Variants in DDX60L observed in about 807,000 individuals in gnomAD.
DDX60L encodes the protein DExD/H-box 60 like, also known as probable ATP-dependent RNA helicase DDX60-like.
A neutral mutation model predicts 211.6 loss-of-function variants in DDX60L; 191 were observed. The ratio of observed to expected loss-of-function variants is 0.90; its 90% confidence interval spans 0.80 to 1.02. The LOEUF (loss-of-function observed/expected upper bound fraction) is 1.02. DDX60L is among the 50% of genes least tolerant of loss of function. DDX60L has a pLI of 0.00. For missense variants in DDX60L, 2,007 were observed against 1,984.1 expected, an observed-to-expected ratio of 1.01 and a Z score of -0.22; for synonymous variants, 706 against 694.1, an observed-to-expected ratio of 1.02 and a Z score of -0.27.
chr4:168,479,376 T>C (rs751851394), intron 1 of DDX60L, among the ~76,000 whole-genome samples: 30 of 152,190 alleles, frequency 2.0e-4, no homozygotes, highest in Non-Finnish European at 3.7e-4. Flanking sequence ...TGTTACTGTT[T>C]TCAGGAGAAC....
chr4:168,423,000 T>TGTGTGTGTGTGTGTGGGTGTGTG (rs375472116), intron 15 of DDX60L, among the ~76,000 whole-genome samples: 1 of 108,212 alleles, frequency 9.2e-6, no homozygotes, highest in African/African-American at 5.5e-5. Context: ...TGTGTGTGTG[T>TGTGTGTGTGTGTGTGGGTGTGTG]TGTAGAGACA....
At chr4:168,406,453 G>A in intron 23 of DDX60L, 149 bp downstream of exon 23, 1 of 620,932 alleles carries the variant, frequency 1.6e-6, no homozygotes, top group Non-Finnish European at 2.8e-6. Context: ...AAGAATGGCT[G>A]AAAATAAGAA....
chr4:168,365,856 C>A (rs1739892728), intron 36 of DDX60L, among the ~76,000 whole-genome samples: 1 of 152,000 alleles, frequency 6.6e-6, no homozygotes, highest in Non-Finnish European at 1.5e-5. Flanking sequence ...CCAGGGAATG[C>A]AAGGATAGTG....
chr4:168,455,999 T>C, intron 7 of DDX60L, 40 bp downstream of exon 7: 2 of 1,396,834 alleles, frequency 1.4e-6, no homozygotes, highest in Non-Finnish European at 2.0e-6. Context: ...ACCTGATGAA[T>C]GACAGCTTTC....
intron 28 of DDX60L, among the ~76,000 whole-genome samples, chr4:168,392,438 C>T (rs927622854): frequency 5.9e-5 from 9 of 152,014 alleles, no homozygotes; most frequent in Non-Finnish European, 1.2e-4. Flanking sequence ...ATTTATAAAC[C>T]CATCCAAATT....
intron 4 of DDX60L, among the ~76,000 whole-genome samples, chr4:168,466,657 CTG>C (rs1277814231): frequency 6.6e-6 from 1 of 152,152 alleles, no homozygotes; most frequent in Non-Finnish European, 1.5e-5. Flanking sequence ...CAGTCCCCTC[CTG>C]TTATGGCATC....
intron 35 of DDX60L, among the ~76,000 whole-genome samples, chr4:168,373,332 T>C (rs1741358583): frequency 1.3e-5 from 2 of 151,954 alleles, no homozygotes; most frequent in African/African-American, 4.8e-5. Context: ...TGGTCTGGAG[T>C]AGAAAAGCAC....
chr4:168,368,612 T>C (rs1012973235), intron 36 of DDX60L, among the ~76,000 whole-genome samples: 8 of 152,176 alleles, frequency 5.3e-5, no homozygotes, highest in African/African-American at 1.4e-4. Flanking sequence ...CCCAGAATGG[T>C]AGACCCACTG....
At position 168,375,483 on chromosome 4, in the gene DDX60L, T is replaced by G. The variant is rs781139674; in HGVS notation, c.4527A>C (p.Leu1509Phe). 3 of 1,612,798 alleles carry G rather than the reference T, an allele frequency of 1.9e-6. No homozygotes were observed. Among genetic ancestry groups the G allele is most frequent in the African/African-American group, 1.3e-5 (1 of 75,012 alleles). The change falls in exon 34 of 38, where the codon TTA becomes TTC. Residue 1509 changes from leucine (L) to phenylalanine (F), a missense_variant. By Grantham distance (22) the Leu-to-Phe change is conservative. Transcript: ENST00000682922. ...TCATTACTGCCAGGTTATACTCATA[T>G]AAAGCAGCTTTAAAATCCTCCGGGA... Reference protein sequence around the residue: ...AELPEDFKAALYEYNLAVMKD... With the variant: ...AELPEDFKAAFYEYNLAVMKD...
intron 19 of DDX60L, among the ~76,000 whole-genome samples, chr4:168,418,536 G>A (rs182217461): frequency 6.6e-6 from 1 of 152,310 alleles, no homozygotes; most frequent in East Asian, 1.9e-4. Flanking sequence ...AAAGGAAACA[G>A]ACTACTTTCA....
intron 26 of DDX60L, among the ~76,000 whole-genome samples, chr4:168,399,202 C>T (rs1055576268): frequency 6.6e-6 from 1 of 152,224 alleles, no homozygotes; most frequent in Non-Finnish European, 1.5e-5. Context: ...GGCTGAAACA[C>T]ACCCCTTGCT....
intron 10 of DDX60L, among the ~76,000 whole-genome samples, chr4:168,440,442 A>G (rs1436914042): frequency 6.6e-6 from 1 of 152,164 alleles, no homozygotes; most frequent in African/African-American, 2.4e-5. Context: ...TTACCCTTCA[A>G]TCACTTCTCA....
In DDX60L at chr4:168,461,699, C is replaced by A; in HGVS notation, c.606G>T (p.Glu202Asp). The A allele has an allele frequency of 3.3e-6, 5 of 1,515,236 alleles. No individual in the cohort carries two copies. The highest frequency in any genetic ancestry group is 4.6e-5 in the East Asian group (2 of 43,378). The allele number at this position is 1,515,236 out of a possible 1,614,324, so 93.9% of individuals were successfully genotyped here. A position where few individuals can be genotyped will look rare whatever the true frequency, so the allele number is the denominator to read the frequency against. Residue 202 changes from glutamate (E) to aspartate (D), a missense_variant and splice_region_variant, in exon 5 of 38, where the codon GAG becomes GAT. Coordinates refer to ENST00000682922, the MANE Select transcript of DDX60L (RefSeq NM_001012967.3). Reference sequence around the variant, plus strand: ...AAAATGAGTTATTAATGTCAATTACCTCCTTGGAAAAAGTTTGGTTTCTGT... The same window carrying A: ...AAAATGAGTTATTAATGTCAATTACATCCTTGGAAAAAGTTTGGTTTCTGT... ...STDRNQTFSK[E>D]NETVIQSAYK...
At chr4:168,416,179 C>T (rs993807320) in intron 20 of DDX60L, among the ~76,000 whole-genome samples, 3 of 152,124 alleles carry the variant, frequency 2.0e-5, no homozygotes, top group African/African-American at 7.2e-5. Context: ...TCATATAATG[C>T]TTTGTTGTTC....
intron 8 of DDX60L, among the ~76,000 whole-genome samples, chr4:168,449,652 C>CAAAAAAAAAAAAAAAAAAAAAA: frequency 2.1e-3 from 17 of 7,918 alleles, no homozygotes; most frequent in Non-Finnish European, 2.7e-3. Context: ...AAAAAAAATG[C>CAAAAAAAAAAAAAAAAAAAAAA]AAAAAAAAAA....
At chr4:168,397,803 G>A (rs540197192) in intron 26 of DDX60L, among the ~76,000 whole-genome samples, 2 of 152,336 alleles carry the variant, frequency 1.3e-5, no homozygotes, top group East Asian at 3.9e-4. Flanking sequence ...GCTCCATGGA[G>A]CCAGCAGAAG....
chr4:168,438,466 G>A (rs12509886), intron 10 of DDX60L, among the ~76,000 whole-genome samples: 45,086 of 151,950 alleles, frequency 0.3, 8,182 homozygotes, highest in East Asian at 0.62. Flanking sequence ...AAAATATTTT[G>A]TGTTTTCCCC....
chr4:168,419,212 A>G, intron 19 of DDX60L, 90 bp downstream of exon 19: 1 of 803,264 alleles, frequency 1.2e-6, no homozygotes, highest in East Asian at 3.1e-5. Context: ...CTTAACTGCC[A>G]TCATTGAAAA....
chr4:168,390,445 T>C, intron 29 of DDX60L: 1 of 1,342,478 alleles, frequency 7.4e-7, no homozygotes, highest in Non-Finnish European at 9.5e-7. Context: ...AACAGCAACA[T>C]CCTAAAAGGT....
Sources: gnomAD v4.1 joint callset for allele counts (sites outside exome capture counted in the v4.1 genomes callset) on GRCh38, gnomAD v4.1.1 for gene constraint, MANE v1.5 for transcripts, NCBI Gene and HGNC (gene_info 2026-07-23, HGNC 2026-07-21) for gene names.